The following DLGAP2 variants were observed in gnomAD, a reference collection of about 807,000 sequenced individuals.
The protein encoded by DLGAP2 is DLG associated protein 2.
Under a neutral mutation model 100.3 loss-of-function variants are expected in DLGAP2, and 26 were observed. The observed-to-expected ratio is 0.26, with a 90% CI of 0.19 to 0.36. DLGAP2 has a LOEUF of 0.36. Ranked by LOEUF, DLGAP2 falls within the 10% of genes least tolerant of loss-of-function variation. DLGAP2 has a pLI of 1.00. For synonymous variants in DLGAP2, 886 were observed against 630.1 expected (o/e 1.41, Z -6.08); for missense variants, 1,858 against 1,453.2 (o/e 1.28, Z -4.53).
chr8:1,287,786 T>C (rs1799974034), intron 3 of DLGAP2, among the ~76,000 whole-genome samples: 1 of 110,944 alleles, frequency 9.0e-6, no homozygotes, highest in East Asian at 2.9e-4. Context: ...TGTGTCTGTG[T>C]GTATGTGTGT....
chr8:909,006 C>A (rs548985057), intron 2 of DLGAP2, among the ~76,000 whole-genome samples: 1 of 152,128 alleles, frequency 6.6e-6, no homozygotes, highest in Non-Finnish European at 1.5e-5. Flanking sequence ...ATTATACATT[C>A]CAGAGTAAAA....
chr8:1,040,409 T>G (rs1358560663), intron 2 of DLGAP2, among the ~76,000 whole-genome samples: 1 of 150,080 alleles, frequency 6.7e-6, no homozygotes, highest in Non-Finnish European at 1.5e-5. Context: ...CGTGGTCGGC[T>G]CGGTGTGCGT....
chr8:1,223,210 G>C (rs754094913), intron 2 of DLGAP2, among the ~76,000 whole-genome samples: 19 of 152,290 alleles, frequency 1.2e-4, no homozygotes, highest in Admixed American at 2.6e-4. Context: ...CAGCAACCCT[G>C]TCCAGGGTTC....
At position 1,118,377 on chromosome 8, in the gene DLGAP2, G is replaced by T. The variant is rs76106071; in HGVS notation, c.74-140474G>T. ...ACATTGTCTTTGTTCAGTTCCTTAC[G>T]TGACTGAGGACAGTGAAAAGAGCCC... On this transcript the variant is annotated intron_variant, in intron 2 of 14. Transcript: ENST00000637795. 4.9e-3 allele frequency among the ~76,000 whole-genome samples: 748 copies of T among 152,242 alleles called. 3 individuals carry two copies. Among genetic ancestry groups the T allele is most frequent in the African/African-American group, 0.017 (712 of 41,514 alleles).
chr8:1,301,564 C>T (rs1407854027), intron 3 of DLGAP2: 1 of 152,184 alleles, frequency 6.6e-6, no homozygotes, highest in Admixed American at 6.5e-5. Context: ...CTGTCACAAT[C>T]TTGATGGTCC....
At chr8:1,268,453 T>G (rs1302748081) in intron 3 of DLGAP2, among the ~76,000 whole-genome samples, 1 of 152,168 alleles carries the variant, frequency 6.6e-6, no homozygotes, top group Non-Finnish European at 1.5e-5. Flanking sequence ...AAGAGAGAAA[T>G]TTAATGTGGG....
intron 2 of DLGAP2, among the ~76,000 whole-genome samples, chr8:1,157,565 C>T (rs563266716): frequency 3.3e-5 from 5 of 152,282 alleles, no homozygotes; most frequent in South Asian, 2.1e-4. Flanking sequence ...CTCTGTGTCC[C>T]GGCTCCCAGA....
chr8:1,058,171 G>A (rs954305502), intron 2 of DLGAP2, among the ~76,000 whole-genome samples: 6 of 151,862 alleles, frequency 4.0e-5, no homozygotes, highest in Admixed American at 6.6e-5. Context: ...GTCTGGGGGC[G>A]CGGCCGGATT....
At chr8:1,184,545 G>A (rs1305438404) in intron 2 of DLGAP2, among the ~76,000 whole-genome samples, 2 of 152,206 alleles carry the variant, frequency 1.3e-5, no homozygotes, top group Admixed American at 6.5e-5. Flanking sequence ...TCATCACTGC[G>A]AATTCTAGTG....
At chr8:1,026,413 G>C (rs574489830) in intron 2 of DLGAP2, among the ~76,000 whole-genome samples, 1 of 152,180 alleles carries the variant, frequency 6.6e-6, no homozygotes. Context: ...GAGGACGCCC[G>C]CCGCCTTGGC....
At chr8:1,501,958 C>A (rs968992034) in intron 4 of DLGAP2, among the ~76,000 whole-genome samples, 4 of 152,210 alleles carry the variant, frequency 2.6e-5, no homozygotes, top group Non-Finnish European at 5.9e-5. Context: ...TGAGCTGCCA[C>A]CAGCACAGCA....
intron 6 of DLGAP2, among the ~76,000 whole-genome samples, chr8:1,623,465 A>G (rs892097140): frequency 5.5e-5 from 8 of 144,312 alleles, no homozygotes; most frequent in African/African-American, 7.9e-5. Flanking sequence ...ACCAGCGCGC[A>G]ATGACCTGAC....
intron 3 of DLGAP2, among the ~76,000 whole-genome samples, chr8:1,390,804 T>C (rs935104331): frequency 2.0e-5 from 3 of 152,180 alleles, no homozygotes; most frequent in African/African-American, 7.2e-5. Context: ...AAGTCTCTTA[T>C]CCACAGAGCG....
intron 2 of DLGAP2, among the ~76,000 whole-genome samples, chr8:957,975 C>T (rs951182417): frequency 6.6e-6 from 1 of 152,092 alleles, no homozygotes; most frequent in African/African-American, 2.4e-5. Context: ...TGACCCTCAC[C>T]ACTGTCCACC....
chr8:1,186,554 A>G (rs1797509405), intron 2 of DLGAP2, among the ~76,000 whole-genome samples: 1 of 151,972 alleles, frequency 6.6e-6, no homozygotes, highest in Non-Finnish European at 1.5e-5. Flanking sequence ...GATAACCCTG[A>G]GAGATGTTAT....
In DLGAP2 at chr8:1,017,695, G is replaced by A. The variant is rs936288703; in HGVS notation, c.73+109729G>A. 2.0e-5 allele frequency among the ~76,000 whole-genome samples: 3 copies of A among 152,268 alleles called. No individual in the cohort carries two copies. The East Asian group carries it at 5.8e-4, about 29-fold the overall frequency. On this transcript the variant is annotated intron_variant, in intron 2 of 14. Transcript: ENST00000637795. ...GCCTTTTGGCTTGTGTTTCCTGTGG[G>A]GTTTCCATACCCAGGGCTGTAGAAG...
rs754444774 is a variant in DLGAP2, at chr8:1,548,780, C to T, written c.327C>T (p.His109=). ...TGGCGCCCCCGGAGGACTGCGAGCACCTGCACCACGGGCCCGACGCGCGGC... is the reference window on the plus strand; with the variant it reads ...TGGCGCCCCCGGAGGACTGCGAGCATCTGCACCACGGGCCCGACGCGCGGC... ...CGLAPPEDCE[H]LHHGPDARPP... Residue 109 remains histidine, a synonymous_variant, in exon 5 of 15, where the codon CAC becomes CAT. Transcript: ENST00000637795. 7.5e-6 allele frequency: 12 copies of T among 1,594,246 alleles called. No individual in the cohort carries two copies. The highest frequency in any genetic ancestry group is 2.7e-5 in the African/African-American group (2 of 74,484).
At chr8:810,456 G>C (rs540345930) in intron 1 of DLGAP2, among the ~76,000 whole-genome samples, 1 of 152,282 alleles carries the variant, frequency 6.6e-6, no homozygotes, top group South Asian at 2.1e-4. Context: ...TGCCTAATAT[G>C]CTGATAATTG....
At position 1,705,101 on chromosome 8, in the gene DLGAP2, G is replaced by A. The variant is rs1056700154; in HGVS notation, c.*3695G>A. 3.9e-5 allele frequency: 6 copies of A among 152,244 alleles called. No individual in the cohort carries two copies. Among genetic ancestry groups the A allele is most frequent in the African/African-American group, 1.4e-4 (6 of 41,454 alleles). 9.4% of individuals were successfully genotyped at this position (152,244 alleles called of 1,614,324 possible). ...ACAGGAAAGTGAAGGGATACTGCAG[G>A]CCTGTGTTTGCAGCGCCTGTGGTAA... On this transcript the variant is annotated 3_prime_UTR_variant, in exon 15 of 15. Coordinates refer to ENST00000637795, the MANE Select transcript of DLGAP2 (RefSeq NM_001346810.2).
Sources: gnomAD v4.1 joint callset for allele counts (sites outside exome capture counted in the v4.1 genomes callset) on GRCh38, gnomAD v4.1.1 for gene constraint, MANE v1.5 for transcripts, NCBI Gene and HGNC (gene_info 2026-07-23, HGNC 2026-07-21) for gene names.